The following SUSD4 variants were observed in gnomAD, a reference collection of about 807,000 sequenced individuals.
SUSD4 encodes the protein sushi domain-containing protein 4.
A neutral mutation model predicts 50.5 loss-of-function variants in SUSD4; 41 were observed. The ratio of observed to expected loss-of-function variants is 0.81; its 90% confidence interval spans 0.63 to 1.05. The LOEUF is 1.05. Among genes scored for constraint, SUSD4 ranks in the 50% least tolerant of loss-of-function variants. The pLI is 0.00. For missense variants in SUSD4, 580 were observed against 634.7 expected (o/e 0.91, Z 0.93); for synonymous variants, 257 against 257.3 (o/e 1.00, Z 0.01).
rs191195119 is a variant in SUSD4 at position 223,312,435 on chromosome 1, C to T, written c.149-19784G>A. On this transcript the variant is annotated intron_variant, in intron 2 of 8. Coordinates refer to ENST00000366878, the MANE Select transcript of SUSD4 (RefSeq NM_017982.4). ...AGACTGGCTGGTGCTGGGGAAAGGGCACCTGGCTCCAAATCCTGGCTGCTA... is the reference window on the plus strand; with the variant it reads ...AGACTGGCTGGTGCTGGGGAAAGGGTACCTGGCTCCAAATCCTGGCTGCTA... Among the ~76,000 whole-genome samples, 390 of 152,218 alleles carry T rather than the reference C, an allele frequency of 2.6e-3. 3 individuals are homozygous for T. Among genetic ancestry groups the T allele is most frequent in the Non-Finnish European group, 3.8e-3 (256 of 68,016 alleles).
In SUSD4 at chr1:223,267,001, TGAG is replaced by T. The variant is rs569316775; in HGVS notation, c.535+1498_535+1500del. On this transcript the variant is annotated intron_variant, in intron 4 of 8. Coordinates refer to ENST00000366878, the MANE Select transcript of SUSD4 (RefSeq NM_017982.4). Reference sequence around the variant, plus strand: ...ACCCCCTCTGTGGGACAGAGGCCTCTGAGGAGGAGGGAGAGGTGGGCAGGGCTT... The same window carrying T: ...ACCCCCTCTGTGGGACAGAGGCCTCTGAGGAGGGAGAGGTGGGCAGGGCTT... 4.3e-3 allele frequency among the ~76,000 whole-genome samples: 661 copies of T among 152,246 alleles called. 6 individuals carry two copies. The highest frequency in any genetic ancestry group is 0.015 in the African/African-American group (625 of 41,550).
intron 2 of SUSD4, among the ~76,000 whole-genome samples, chr1:223,323,352 C>A (rs549458065): frequency 3.7e-4 from 56 of 152,092 alleles, no homozygotes; most frequent in Non-Finnish European, 5.7e-4. Flanking sequence ...GTGCATGAAA[C>A]CAGCATGCAA....
At chr1:223,234,094 T>C (rs1393209858) in intron 5 of SUSD4, among the ~76,000 whole-genome samples, 1 of 152,192 alleles carries the variant, frequency 6.6e-6, no homozygotes. Context: ...ACTTAGTCTC[T>C]TGTGGAACTT....
At chr1:223,232,564 G>T (rs1249234616) in intron 5 of SUSD4, among the ~76,000 whole-genome samples, 1 of 152,182 alleles carries the variant, frequency 6.6e-6, no homozygotes, top group Admixed American at 6.5e-5. Flanking sequence ...ATAAATGTAT[G>T]CAAGTTTGTT....
intron 2 of SUSD4, among the ~76,000 whole-genome samples, chr1:223,310,430 T>A (rs1005900680): frequency 6.6e-6 from 1 of 152,170 alleles, no homozygotes; most frequent in Non-Finnish European, 1.5e-5. Flanking sequence ...TCAGAAACCA[T>A]TGAAACTATG....
intron 2 of SUSD4, among the ~76,000 whole-genome samples, chr1:223,324,325 C>A (rs1666750824): frequency 6.6e-6 from 1 of 151,288 alleles, no homozygotes. Context: ...TGTCTTGGGG[C>A]CATTGGGTGT....
chr1:223,234,766 G>T, intron 5 of SUSD4: 1 of 664,930 alleles, frequency 1.5e-6, no homozygotes, highest in Non-Finnish European at 2.2e-6. Context: ...GTGAAATAGA[G>T]CTTTGCCAGT....
chr1:223,330,991 C>T (rs1667142122), intron 2 of SUSD4, among the ~76,000 whole-genome samples: 1 of 152,158 alleles, frequency 6.6e-6, no homozygotes, highest in Non-Finnish European at 1.5e-5. Context: ...TACTTACATA[C>T]TCCTTTTGCT....
At chr1:223,331,301 A>C (rs2103271501) in intron 2 of SUSD4, among the ~76,000 whole-genome samples, 1 of 152,326 alleles carries the variant, frequency 6.6e-6, no homozygotes, top group African/African-American at 2.4e-5. Flanking sequence ...TTCACATTCC[A>C]GCATCACAGA....
At chr1:223,321,342 G>A (rs1327964583) in intron 2 of SUSD4, among the ~76,000 whole-genome samples, 1 of 152,178 alleles carries the variant, frequency 6.6e-6, no homozygotes, top group Non-Finnish European at 1.5e-5. Context: ...GCAAGTCAAT[G>A]AACCTCTTTA....
chr1:223,276,585 T>C (rs1663292071), intron 3 of SUSD4, among the ~76,000 whole-genome samples: 1 of 152,244 alleles, frequency 6.6e-6, no homozygotes, highest in Admixed American at 6.5e-5. Context: ...TGGATTTTCT[T>C]TCCCTTTCAA....
At chr1:223,324,443 T>A (rs1399795116) in intron 2 of SUSD4, among the ~76,000 whole-genome samples, 1 of 151,648 alleles carries the variant, frequency 6.6e-6, no homozygotes, top group African/African-American at 2.4e-5. Flanking sequence ...GGCAGGAAAA[T>A]ACATATTTAC....
At chr1:223,276,028 C>T (rs1663240578) in intron 3 of SUSD4, among the ~76,000 whole-genome samples, 1 of 152,234 alleles carries the variant, frequency 6.6e-6, no homozygotes, top group African/African-American at 2.4e-5. Flanking sequence ...AAGCCTCGGT[C>T]AGCCCCCAAA....
intron 7 of SUSD4, among the ~76,000 whole-genome samples, chr1:223,223,926 G>T (rs554582503): frequency 3.7e-4 from 57 of 152,290 alleles, no homozygotes; most frequent in African/African-American, 1.3e-3. Context: ...CCTTTGACCT[G>T]TGGGCTTTGG....
chr1:223,363,614 G>A, intron 1 of SUSD4, 154 bp from the exon 2 acceptor site: 1 of 878,362 alleles, frequency 1.1e-6, no homozygotes, highest in South Asian at 2.3e-5. Flanking sequence ...CCACGGCGAG[G>A]TCCCCCGCCT....
chr1:223,234,313 T>C (rs1660075489), intron 5 of SUSD4, among the ~76,000 whole-genome samples: 1 of 152,178 alleles, frequency 6.6e-6, no homozygotes, highest in Non-Finnish European at 1.5e-5. Flanking sequence ...TCTGGCTATT[T>C]CCTCCTATGC....
Position 223,243,386 on chromosome 1 carries a change from G to A in SUSD4, c.725-13998C>T, listed in dbSNP as rs537881263. ...GGACACAGTCACCCAGCCTCCCTGC[G>A]CACTGGCAGGGGACTCAGAGCCACC... On this transcript the variant is annotated intron_variant, in intron 5 of 8. Transcript: ENST00000366878. Among the ~76,000 whole-genome samples the A allele has an allele frequency of 7.2e-5, 11 of 152,308 alleles. No individual in the cohort carries two copies. The East Asian group carries it at 7.7e-4, about 11-fold the overall frequency.
Position 223,224,460 on chromosome 1 carries a change from C to T in SUSD4, c.1062-829G>A, listed in dbSNP as rs536502647. Among the ~76,000 whole-genome samples the T allele has an allele frequency of 1.3e-4, 20 of 151,984 alleles. No individual in the cohort carries two copies. In the South Asian group the frequency reaches 4.2e-3, roughly 32 times the overall value. ...TCTGCATTCAGTATAAAAATCATTA[C>T]ATTTTAGTCTAGATTTAAAAAAAGA... On this transcript the variant is annotated intron_variant, in intron 7 of 8. Coordinates refer to ENST00000366878, the MANE Select transcript of SUSD4 (RefSeq NM_017982.4).
intron 2 of SUSD4, among the ~76,000 whole-genome samples, chr1:223,314,689 A>G (rs902197996): frequency 3.3e-5 from 5 of 152,132 alleles, no homozygotes; most frequent in African/African-American, 1.2e-4. Flanking sequence ...CTGATGGTTT[A>G]TAAGGGGAGT....
Sources: allele counts gnomAD v4.1 joint callset (sites outside exome capture counted in the v4.1 genomes callset), GRCh38; gene constraint gnomAD v4.1.1; transcripts MANE v1.5; gene names NCBI Gene and HGNC (gene_info 2026-07-23, HGNC 2026-07-21).